SPTBN5: variants seen among roughly 807,000 people sequenced by gnomAD.
SPTBN5 encodes spectrin beta, non-erythrocytic 5.
Under a neutral mutation model 477.6 loss-of-function variants are expected in SPTBN5, and 513 were observed. The ratio of observed to expected loss-of-function variants is 1.07; its 90% CI spans 1.00 to 1.16. The LOEUF is 1.16. SPTBN5 is among the 50% of genes most tolerant of loss of function. The pLI is 0.00. For missense variants in SPTBN5, 5,062 were observed against 4,731.8 expected, an observed-to-expected ratio of 1.07 and a Z score of -2.05; for synonymous variants, 2,169 against 2,011.7, an observed-to-expected ratio of 1.08 and a Z score of -2.09.
intron 34 of SPTBN5, 82 bp downstream of exon 34, chr15:41,867,987 G>A (rs1296701637): frequency 2.0e-6 from 3 of 1,466,682 alleles, no homozygotes; most frequent in African/African-American, 2.8e-5. Context: ...CAGAGAGGCA[G>A]GAGGAAAGGG....
chr15:41,871,819 C>A lies in SPTBN5; in HGVS notation c.5264G>T (p.Gly1755Val). 6.3e-7 allele frequency: 1 copy of A among 1,592,162 alleles called. No homozygotes were observed. Among genetic ancestry groups the A allele is most frequent in the Non-Finnish European group, 8.5e-7 (1 of 1,169,694 alleles). Residue 1755 changes from glycine to valine, a missense_variant, in exon 28 of 68, where the codon GGA becomes GTA. Physicochemically the swap from Gly to Val is moderately radical, Grantham distance 109. Coordinates refer to ENST00000320955, the MANE Select transcript of SPTBN5 (RefSeq NM_016642.4). ...WLASQKQAAK[G>V]GESLGEDPEH... Reference sequence around the variant, plus strand: ...GGGGTCCTCTCCCAGGCTCTCCCCTCCTTTGGCTGCCTGCTTCTGGCTTGC... The same window carrying A: ...GGGGTCCTCTCCCAGGCTCTCCCCTACTTTGGCTGCCTGCTTCTGGCTTGC...
chr15:41,883,052 G>A lies in SPTBN5; in HGVS notation c.1836C>T (p.Ala612=), dbSNP rs1426096150. The A allele has an allele frequency of 6.4e-7, 1 of 1,574,422 alleles. No homozygotes were observed. The change falls in exon 9 of 68, where the codon GCC becomes GCT. Residue 612 remains alanine (A), a synonymous_variant. Transcript: ENST00000320955. ...SLGTSVEVLQ[A]KARTLAQLQQ... is the part of the protein sequence containing the mutation. ...GGAGCTGGGCCAGTGTCCTGGCCTT[G>A]GCCTGCAGCACCTCCACACTGGTGC... is the stretch of plus-strand genomic sequence containing the variant.
In SPTBN5 at chr15:41,881,047, C is replaced by T. The variant is rs762737428; in HGVS notation, c.2645G>A (p.Arg882Gln). The T allele has an allele frequency of 8.1e-5, 128 of 1,586,252 alleles. No homozygotes were observed. Among genetic ancestry groups the T allele is most frequent in the Middle Eastern group, 1.7e-4 (1 of 6,008 alleles). Residue 882 changes from arginine to glutamine, a missense_variant, in exon 13 of 68, where the codon CGG becomes CAG. Transcript: ENST00000320955. Reference sequence around the variant, plus strand: ...AAGAAGTGTTACCTGTGCCAGGGCCCGCAGACTCTCATAGTCCTGACTCAA... The same window carrying T: ...AAGAAGTGTTACCTGTGCCAGGGCCTGCAGACTCTCATAGTCCTGACTCAA... ...DHLSQDYESL[R>Q]ALAQLRRARL...
Position 41,853,616 on chromosome 15 carries a change from C to T in SPTBN5, c.9946G>A (p.Gly3316Ser). Residue 3316 changes from glycine (G) to serine (S), a missense_variant, in exon 58 of 68, where the codon GGC becomes AGC. Gly to Ser is a moderately conservative substitution (Grantham distance 56, BLOSUM62 0). Coordinates refer to ENST00000320955, the MANE Select transcript of SPTBN5 (RefSeq NM_016642.4). ...TGGCAGCGCCCGAGGAAGGCATGGC[C>T]CTGTGCAGCCTGCGCCAGCCACTGG... ...RGQWLAQAAQ[G>S]HAFLGRCQEL... is the part of the protein sequence containing the mutation. 6.3e-7 allele frequency: 1 copy of T among 1,590,244 alleles called. No homozygotes were observed. The highest frequency in any genetic ancestry group is 8.6e-7 in the Non-Finnish European group (1 of 1,168,526).
Position 41,863,789 on chromosome 15 carries a change from C to T in SPTBN5, c.7064G>A (p.Arg2355Gln), listed in dbSNP as rs1050116532. 7.4e-6 allele frequency: 12 copies of T among 1,613,738 alleles called. No individual in the cohort carries two copies. Among genetic ancestry groups the T allele is most frequent in the East Asian group, 4.5e-5 (2 of 44,892 alleles). The change falls in exon 41 of 68, where the codon CGG becomes CAG. Residue 2355 changes from arginine to glutamine, a missense_variant. By Grantham distance (43) the Arg-to-Gln change is conservative (BLOSUM62 1). Coordinates refer to ENST00000320955, the MANE Select transcript of SPTBN5 (RefSeq NM_016642.4). ...RWASFHGNLLRYQQQLEGALE... is the reference protein window; with the variant it reads ...RWASFHGNLLQYQQQLEGALE... ...GGCCCCTTCGAGCTGCTGCTGGTAC[C>T]GGAGCAAGTTGCCATGGAAACTCGC...
At position 41,873,511 on chromosome 15, in the gene SPTBN5, C is replaced by T. The variant is rs2066612792; in HGVS notation, c.4988G>A (p.Arg1663Lys). 6.4e-7 allele frequency: 1 copy of T among 1,551,694 alleles called. No individual in the cohort carries two copies. The highest frequency in any genetic ancestry group is 2.4e-5 in the East Asian group (1 of 40,934). ...DYGRDEAATL[R>K]LINKHQALQE... ...TGGTACCTGGTGCTTGTTAATGAGC[C>T]TGAGGGTGGCTGCCTCGTCTCTGCC... The change falls in exon 26 of 68, where the codon AGG becomes AAG. Residue 1663 changes from arginine to lysine, a missense_variant. Arg to Lys is a conservative substitution (Grantham distance 26). Coordinates refer to ENST00000320955, the MANE Select transcript of SPTBN5 (RefSeq NM_016642.4).
chr15:41,879,652 A>C, intron 15 of SPTBN5, 82 bp downstream of exon 15: 1 of 1,577,870 alleles, frequency 6.3e-7, no homozygotes, highest in Non-Finnish European at 8.6e-7. Context: ...TCCATCTGGC[A>C]TGGCGGGAGG....
chr15:41,851,181 C>T (rs187527475), intron 64 of SPTBN5, 31 bp from the exon 65 acceptor site: 57 of 1,602,880 alleles, frequency 3.6e-5, no homozygotes, highest in Admixed American at 5.1e-5. Flanking sequence ...GGGGTCACTG[C>T]GGCCATCTCA....
chr15:41,887,504 T>C (rs2067192864), intron 5 of SPTBN5, 63 bp from the exon 6 acceptor site: 1 of 1,273,190 alleles, frequency 7.9e-7, no homozygotes, highest in Non-Finnish European at 1.1e-6. Context: ...TTAAGTAGAT[T>C]CTTAAATGCA....
intron 5 of SPTBN5, 40 bp from the exon 6 acceptor site, chr15:41,887,481 C>A: frequency 1.4e-6 from 2 of 1,442,634 alleles, no homozygotes; most frequent in South Asian, 1.2e-5. Context: ...CAGCAGGAAC[C>A]TACTGCTTTC....
intron 26 of SPTBN5, among the ~76,000 whole-genome samples, chr15:41,872,726 C>T (rs569013709): frequency 5.9e-5 from 9 of 152,226 alleles, no homozygotes; most frequent in Non-Finnish European, 1.0e-4. Flanking sequence ...GCTGGCTAAT[C>T]TGGGCCAAGG....
At chr15:41,866,617 A>T in intron 36 of SPTBN5, 124 bp from the exon 37 acceptor site, 2 of 1,147,546 alleles carry the variant, frequency 1.7e-6, no homozygotes, top group Non-Finnish European at 2.3e-6. Flanking sequence ...CACCTGGTAA[A>T]TGAGCCCTGA....
chr15:41,873,576 C>G lies in SPTBN5; in HGVS notation c.4923G>C (p.Trp1641Cys). 1 of 1,552,198 alleles carries G rather than the reference C, an allele frequency of 6.4e-7. No individual in the cohort carries two copies. The highest frequency in any genetic ancestry group is 8.7e-7 in the Non-Finnish European group (1 of 1,147,310). ...TCACCAGCGGCCGCTTCTCCTCCACCCAGCCCTCCAGCTCTGACACATCCA... is the reference window on the plus strand; with the variant it reads ...TCACCAGCGGCCGCTTCTCCTCCACGCAGCCCTCCAGCTCTGACACATCCA... ...YFLDVSELEG[W>C]VEEKRPLVSS... Residue 1641 changes from tryptophan to cysteine, a missense_variant, in exon 26 of 68, where the codon TGG becomes TGC. Coordinates refer to ENST00000320955, the MANE Select transcript of SPTBN5 (RefSeq NM_016642.4).
In SPTBN5 at chr15:41,854,189, T is replaced by C. The variant is rs2065864266; in HGVS notation, c.9635A>G (p.His3212Arg). The C allele has an allele frequency of 3.1e-6, 5 of 1,599,626 alleles. No individual in the cohort carries two copies. The highest frequency in any genetic ancestry group is 4.3e-6 in the Non-Finnish European group (5 of 1,173,402). The change falls in exon 57 of 68, where the codon CAT becomes CGT. Residue 3212 changes from histidine (H) to arginine (R), a missense_variant. Transcript: ENST00000320955. ...KARTENLAAAHEVHSFQQAAA... is the reference protein window; with the variant it reads ...KARTENLAAAREVHSFQQAAA... ...TGCCTGCTGAAAGCTGTGGACCTCA[T>C]GGGCTGCAGCCAAGTTCTGGGAGAG... is the stretch of plus-strand genomic sequence containing the variant.
chr15:41,871,536 TG>T lies in SPTBN5; in HGVS notation c.5302-17del. On this transcript the variant is annotated splice_polypyrimidine_tract_variant and intron_variant, in intron 28 of 67. Coordinates refer to ENST00000320955, the MANE Select transcript of SPTBN5 (RefSeq NM_016642.4). ...TGCAGAGGTGCTGAGAAGAGGGGAGTGGGTGACAGGGTAGCCCCCAGCTGGT... is the reference window on the plus strand; with the variant it reads ...TGCAGAGGTGCTGAGAAGAGGGGAGTGGTGACAGGGTAGCCCCCAGCTGGT... 1 of 1,457,866 alleles carries T rather than the reference TG, an allele frequency of 6.9e-7. No homozygotes were observed. The highest frequency in any genetic ancestry group is 9.1e-7 in the Non-Finnish European group (1 of 1,098,150). The allele number at this position is 1,457,866 out of a possible 1,614,324, so 90.3% of individuals were successfully genotyped here. A position where few individuals can be genotyped will look rare whatever the true frequency, so the allele number is the denominator to read the frequency against.
intron 11 of SPTBN5, 34 bp downstream of exon 11, chr15:41,882,232 GCCC>G: frequency 8.0e-7 from 1 of 1,254,126 alleles, no homozygotes; most frequent in Non-Finnish European, 1.1e-6. Flanking sequence ...GCCTCGCCGG[GCCC>G]CGCCCCCACC....
At position 41,848,497 on chromosome 15, in the gene SPTBN5, G is replaced by A; in HGVS notation, c.*119C>T. 2 of 1,176,032 alleles carry A rather than the reference G, an allele frequency of 1.7e-6. No individual in the cohort carries two copies. Among genetic ancestry groups the A allele is most frequent in the Middle Eastern group, 2.2e-4 (1 of 4,482 alleles). 72.8% of individuals were successfully genotyped at this position (1,176,032 alleles called of 1,614,324 possible). Reference sequence around the variant, plus strand: ...GTCTATTCCAGAAGCTGGGCCTGGGGAACTGGGTTGAAGCAGCCACGGGAA... The same window carrying A: ...GTCTATTCCAGAAGCTGGGCCTGGGAAACTGGGTTGAAGCAGCCACGGGAA... On this transcript the variant is annotated 3_prime_UTR_variant, in exon 68 of 68. Transcript: ENST00000320955.
rs766745567 is a variant in SPTBN5, at chr15:41,876,657, G to A, written c.3852-10C>T. ...CAGCTGCTCTCTGACCCTGGAGGGC[G>A]GGGGGGGGTTGGAGGAGGGCATGGG... On this transcript the variant is annotated splice_polypyrimidine_tract_variant and intron_variant, in intron 19 of 67. Transcript: ENST00000320955. 51 of 1,083,818 alleles carry A rather than the reference G, an allele frequency of 4.7e-5. No homozygotes were observed. Among genetic ancestry groups the A allele is most frequent in the Middle Eastern group, 2.4e-4 (1 of 4,184 alleles). 67.1% of individuals were successfully genotyped at this position (1,083,818 alleles called of 1,614,324 possible).
chr15:41,884,760 C>T (rs1238804564), intron 7 of SPTBN5, among the ~76,000 whole-genome samples: 2 of 152,164 alleles, frequency 1.3e-5, no homozygotes, highest in Non-Finnish European at 2.9e-5. Context: ...TACCTCGTCA[C>T]CCCTGTGCCC....
Sources: gnomAD v4.1 joint callset for allele counts (sites outside exome capture counted in the v4.1 genomes callset) on GRCh38, gnomAD v4.1.1 for gene constraint, MANE v1.5 for transcripts, NCBI Gene and HGNC (gene_info 2026-07-23, HGNC 2026-07-21) for gene names.